The following ARMH4 variants were observed in gnomAD, a reference collection of about 807,000 sequenced individuals.
ARMH4 encodes the protein armadillo like helical domain containing 4.
ARMH4 carries 49 observed loss-of-function variants against 61.9 expected under a neutral mutation model. That is an observed-to-expected ratio of 0.79 (90% CI 0.63 to 1.00). The LOEUF (loss-of-function observed/expected upper bound fraction) is 1.00. ARMH4 is among the 50% of genes least tolerant of loss of function. The pLI, the probability that ARMH4 is intolerant of heterozygous loss-of-function variation, is 0.00. For synonymous variants in ARMH4, 368 were observed against 341.5 expected (o/e 1.08, Z -0.85); for missense variants, 934 against 930.0 (o/e 1.00, Z -0.06).
In ARMH4 at chr14:58,022,223, A is replaced by ACT. The variant is rs138288817; in HGVS notation, c.2090-10075_2090-10074dup. Reference sequence around the variant, plus strand: ...CAAAGTCAACAGCATAACGTCTTCAACTCTCTCTCTCTCTCTTCCCCACCG... The same window carrying ACT: ...CAAAGTCAACAGCATAACGTCTTCAACTCTCTCTCTCTCTCTCTTCCCCACCG... On this transcript the variant is annotated intron_variant, in intron 5 of 7. Coordinates refer to ENST00000267485, the MANE Select transcript of ARMH4 (RefSeq NM_001001872.4). Among the ~76,000 whole-genome samples, 319 of 147,812 alleles carry ACT rather than the reference A, an allele frequency of 2.2e-3. 1 individual carries two copies. The highest frequency in any genetic ancestry group is 7.3e-3 in the African/African-American group (294 of 40,408).
intron 5 of ARMH4, among the ~76,000 whole-genome samples, chr14:58,045,700 G>A (rs1171687367): frequency 6.6e-6 from 1 of 151,848 alleles, no homozygotes; most frequent in Admixed American, 6.6e-5. Flanking sequence ...CCCTCAGAAT[G>A]TGACCCAATT....
Position 58,024,647 on chromosome 14 carries a change from A to G in ARMH4, c.2090-12497T>C, listed in dbSNP as rs186884378. Among the ~76,000 whole-genome samples, 26 of 152,308 alleles carry G rather than the reference A, an allele frequency of 1.7e-4. No individual in the cohort carries two copies. The East Asian group carries it at 2.3e-3, about 14-fold the overall frequency. On this transcript the variant is annotated intron_variant, in intron 5 of 7. Coordinates refer to ENST00000267485, the MANE Select transcript of ARMH4 (RefSeq NM_001001872.4). ...GTGCAAGAGGCCTAGCTTTTGGACT[A>G]TCTTAACTTTCAACATGCCTTCCCC...
intron 5 of ARMH4, among the ~76,000 whole-genome samples, chr14:58,053,425 G>C (rs1325870669): frequency 6.6e-6 from 1 of 152,132 alleles, no homozygotes; most frequent in African/African-American, 2.4e-5. Flanking sequence ...ACTTCCTGCT[G>C]GCTCCAGGCA....
At chr14:58,034,232 G>C (rs1391702516) in intron 5 of ARMH4, among the ~76,000 whole-genome samples, 7 of 135,164 alleles carry the variant, frequency 5.2e-5, no homozygotes, top group Non-Finnish European at 1.1e-4. Context: ...AGCCAGAAGA[G>C]AGTGGGGGCC....
intron 1 of ARMH4, among the ~76,000 whole-genome samples, chr14:58,143,198 G>A (rs955888606): frequency 6.6e-6 from 1 of 152,154 alleles, no homozygotes; most frequent in African/African-American, 2.4e-5. Context: ...CAGAAATCTT[G>A]AGTCCACAAT....
In ARMH4 at chr14:58,004,727, C is replaced by T. The variant is rs17094192; in HGVS notation, c.*9G>A. ...ATCGTTGAATATCCCAATTAAAACCCAGTCCAATTCAAAATTCATCTTCAG... is the reference window on the plus strand; with the variant it reads ...ATCGTTGAATATCCCAATTAAAACCTAGTCCAATTCAAAATTCATCTTCAG... On this transcript the variant is annotated 3_prime_UTR_variant, in exon 8 of 8. Coordinates refer to ENST00000267485, the MANE Select transcript of ARMH4 (RefSeq NM_001001872.4). 3 of 1,597,700 alleles carry T rather than the reference C, an allele frequency of 1.9e-6. No homozygotes were observed. The highest frequency in any genetic ancestry group is 2.6e-6 in the Non-Finnish European group (3 of 1,166,870).
In ARMH4 at chr14:58,139,385, G is replaced by A. The variant is rs777029131; in HGVS notation, c.-27C>T. On this transcript the variant is annotated 5_prime_UTR_variant, in exon 2 of 8. Transcript: ENST00000267485. The stretch of plus-strand genomic sequence containing the variant: ...GTGGAAGAGAAATGGCACGTACACT[G>A]GCAGAGTTGACAAGTCCAGTAATTG... 1 of 1,608,606 alleles carries A rather than the reference G, an allele frequency of 6.2e-7. No homozygotes were observed. The highest frequency in any genetic ancestry group is 1.1e-5 in the South Asian group (1 of 90,932).
intron 3 of ARMH4, 75 bp downstream of exon 3, chr14:58,133,011 CCTCA>C (rs1887171336): frequency 1.3e-6 from 2 of 1,522,394 alleles, no homozygotes; most frequent in Admixed American, 1.8e-5. Context: ...ATGTCGGCTG[CCTCA>C]CTCATTCTAT....
At chr14:58,047,176 A>G (rs192812787) in intron 5 of ARMH4, among the ~76,000 whole-genome samples, 58 of 152,330 alleles carry the variant, frequency 3.8e-4, no homozygotes, top group Admixed American at 3.3e-3. Flanking sequence ...CACAATGCAA[A>G]TGCAGGCTTT....
chr14:58,045,126 G>A (rs925228544), intron 5 of ARMH4, among the ~76,000 whole-genome samples: 5 of 152,290 alleles, frequency 3.3e-5, no homozygotes, highest in Admixed American at 2.0e-4. Context: ...ATACCCAAAG[G>A]ATTATAAATC....
chr14:58,097,800 G>A (rs1179951281), intron 4 of ARMH4, among the ~76,000 whole-genome samples: 2 of 151,776 alleles, frequency 1.3e-5, no homozygotes, highest in African/African-American at 4.8e-5. Context: ...CAGACTCCTG[G>A]ACTCAAGCCA....
chr14:58,071,164 TA>T (rs1485549637), intron 5 of ARMH4, among the ~76,000 whole-genome samples: 1 of 149,664 alleles, frequency 6.7e-6, no homozygotes, highest in Non-Finnish European at 1.5e-5. Flanking sequence ...TTATATATAT[TA>T]TATACAATAG....
At chr14:58,108,855 C>G (rs905337770) in intron 4 of ARMH4, among the ~76,000 whole-genome samples, 6 of 152,240 alleles carry the variant, frequency 3.9e-5, no homozygotes, top group African/African-American at 1.2e-4. Flanking sequence ...ACCTTTGGCA[C>G]TGTCAAACAT....
chr14:58,059,600 T>C (rs1884464542), intron 5 of ARMH4, among the ~76,000 whole-genome samples: 1 of 152,204 alleles, frequency 6.6e-6, no homozygotes, highest in Non-Finnish European at 1.5e-5. Context: ...TTAACACTAA[T>C]TATCTCAAAA....
At chr14:58,104,281 G>C (rs1392406611) in intron 4 of ARMH4, among the ~76,000 whole-genome samples, 1 of 152,316 alleles carries the variant, frequency 6.6e-6, no homozygotes, top group African/African-American at 2.4e-5. Flanking sequence ...AAGTAAGAAA[G>C]GTCCCTGATT....
intron 4 of ARMH4, among the ~76,000 whole-genome samples, chr14:58,127,058 T>G (rs190662907): frequency 1.6e-4 from 24 of 152,254 alleles, no homozygotes; most frequent in Non-Finnish European, 3.1e-4. Flanking sequence ...TGCCTCGACC[T>G]CCCAAAGTGC....
chr14:58,095,300 T>C (rs1289987497), intron 5 of ARMH4, among the ~76,000 whole-genome samples: 1 of 152,236 alleles, frequency 6.6e-6, no homozygotes, highest in Non-Finnish European at 1.5e-5. Context: ...ACCTCCATAG[T>C]ATAAAGCTGT....
rs556957495 is a variant in ARMH4, at chr14:58,071,160, A to G, written c.2089+25564T>C. ...TATATATATATAATATACGTTATAT[A>G]TATTATATACAATAGTACGGGTAAT... On this transcript the variant is annotated intron_variant, in intron 5 of 7. Coordinates refer to ENST00000267485, the MANE Select transcript of ARMH4 (RefSeq NM_001001872.4). Among the ~76,000 whole-genome samples, 455 of 149,718 alleles carry G rather than the reference A, an allele frequency of 3.0e-3. 4 individuals carry two copies. Among genetic ancestry groups the G allele is most frequent in the African/African-American group, 0.011 (445 of 41,122 alleles).
chr14:58,034,207 G>T (rs1433001638), intron 5 of ARMH4, among the ~76,000 whole-genome samples: 1 of 136,426 alleles, frequency 7.3e-6, no homozygotes, highest in African/African-American at 2.8e-5. Flanking sequence ...CGGATCTCTC[G>T]GCAGAAACCC....
Sources: gnomAD v4.1 joint callset for allele counts (sites outside exome capture counted in the v4.1 genomes callset) on GRCh38, gnomAD v4.1.1 for gene constraint, MANE v1.5 for transcripts, NCBI Gene and HGNC (gene_info 2026-07-23, HGNC 2026-07-21) for gene names.